The following JHY variants were observed in gnomAD, a reference collection of about 807,000 sequenced individuals.
JHY encodes junctional cadherin complex regulator, also known as jhy protein homolog.
Under a neutral mutation model 78.0 loss-of-function variants are expected in JHY, and 69 were observed. The ratio of observed to expected loss-of-function variants is 0.88; its 90% CI spans 0.73 to 1.08. JHY has a LOEUF of 1.08. JHY is among the 50% of genes least tolerant of loss of function. The pLI is 0.00. For synonymous variants in JHY, 368 were observed against 342.6 expected (o/e 1.07, Z -0.82); for missense variants, 944 against 927.8 (o/e 1.02, Z -0.23).
rs770225691 is a variant in JHY at position 122,934,838 on chromosome 11, T to A, written c.1397T>A (p.Val466Asp). 1.9e-6 allele frequency: 3 copies of A among 1,614,040 alleles called. No homozygotes were observed. The highest frequency in any genetic ancestry group is 2.5e-6 in the Non-Finnish European group (3 of 1,180,008). ...ACTGGATGTGACTCTGGGCTGAATG[T>A]TAATAAAGAAAGAGGACACAAAGAC... is the stretch of plus-strand genomic sequence containing the variant. ...NSTGCDSGLN[V>D]NKERGHKDQE... Residue 466 changes from valine to aspartate, a missense_variant, in exon 5 of 9, where the codon GTT becomes GAT. Val to Asp is a radical substitution (Grantham distance 152, BLOSUM62 -3). Transcript: ENST00000227349.
chr11:122,886,974 CA>C (rs911372087), intron 2 of JHY, among the ~76,000 whole-genome samples: 7 of 151,030 alleles, frequency 4.6e-5, no homozygotes, highest in African/African-American at 1.5e-4. Context: ...TATGAGCTAC[CA>C]AAAAAAAGTA....
In JHY at chr11:122,934,470, A is replaced by G; in HGVS notation, c.1029A>G (p.Val343=). The G allele has an allele frequency of 6.2e-7, 1 of 1,613,956 alleles. No individual in the cohort carries two copies. The highest frequency in any genetic ancestry group is 1.3e-5 in the African/African-American group (1 of 75,050). The change falls in exon 5 of 9, where the codon GTA becomes GTG. Residue 343 remains valine, a synonymous_variant. Coordinates refer to ENST00000227349, the MANE Select transcript of JHY (RefSeq NM_024806.4). ...ATGAAAGTACAAAATCAAGCAATGTACCAAGAGGGCAACCTTCTGACATGG... is the reference window on the plus strand; with the variant it reads ...ATGAAAGTACAAAATCAAGCAATGTGCCAAGAGGGCAACCTTCTGACATGG... ...SQYESTKSSN[V]PRGQPSDMVN... is the part of the protein sequence containing the mutation.
At position 122,961,068 on chromosome 11, in the gene JHY, C is replaced by T. The variant is rs968595597; in HGVS notation, c.*1623C>T. ...CCTAAAGCTGTTGGCAAAGAAGACT[C>T]ATGCACAGCCAGTTATGTAAATGTA... is the stretch of plus-strand genomic sequence containing the variant. On this transcript the variant is annotated 3_prime_UTR_variant, in exon 9 of 9. Transcript: ENST00000227349. 7 of 1,040,518 alleles carry T rather than the reference C, an allele frequency of 6.7e-6. No homozygotes were observed. The highest frequency in any genetic ancestry group is 3.5e-5 in the Admixed American group (2 of 57,340). The allele number at this position is 1,040,518 out of a possible 1,614,324, so 64.5% of individuals were successfully genotyped here. A position where few individuals can be genotyped will look rare whatever the true frequency, so the allele number is the denominator to read the frequency against.
At position 122,926,312 on chromosome 11, in the gene JHY, A is replaced by G. The variant is rs146244925; in HGVS notation, c.978+1302A>G. On this transcript the variant is annotated intron_variant, in intron 4 of 8. Coordinates refer to ENST00000227349, the MANE Select transcript of JHY (RefSeq NM_024806.4). ...CTTGGACCAGGCTTTATCCCTGCCTAAGAAGAGATGAGTCCTTTGAAAATT... is the reference window on the plus strand; with the variant it reads ...CTTGGACCAGGCTTTATCCCTGCCTGAGAAGAGATGAGTCCTTTGAAAATT... Among the ~76,000 whole-genome samples, 1,307 of 152,306 alleles carry G rather than the reference A, an allele frequency of 8.6e-3. 22 individuals carry two copies. Among genetic ancestry groups the G allele is most frequent in the African/African-American group, 0.03 (1,235 of 41,562 alleles).
intron 2 of JHY, among the ~76,000 whole-genome samples, chr11:122,897,516 G>T (rs1862763179): frequency 6.6e-6 from 1 of 152,210 alleles, no homozygotes; most frequent in African/African-American, 2.4e-5. Flanking sequence ...ACAAGCATGA[G>T]CTACCACACC....
At chr11:122,943,087 C>G (rs555579791) in intron 5 of JHY, among the ~76,000 whole-genome samples, 8 of 152,286 alleles carry the variant, frequency 5.3e-5, no homozygotes, top group African/African-American at 1.7e-4. Flanking sequence ...GTTGCTCAGG[C>G]TGGTCTTAAA....
chr11:122,946,478 C>A lies in JHY; in HGVS notation c.1635-20C>A. The A allele has an allele frequency of 6.5e-7, 1 of 1,546,240 alleles. No individual in the cohort carries two copies. Among genetic ancestry groups the A allele is most frequent in the South Asian group, 1.2e-5 (1 of 80,546 alleles). ...TTTGGATTTTATTAATAGATTTGTGCCTTTTTTTTTTTCATTAAGGAAATT... is the reference window on the plus strand; with the variant it reads ...TTTGGATTTTATTAATAGATTTGTGACTTTTTTTTTTTCATTAAGGAAATT... On this transcript the variant is annotated intron_variant, in intron 5 of 8. Transcript: ENST00000227349.
At chr11:122,941,869 A>T (rs1863880690) in intron 5 of JHY, among the ~76,000 whole-genome samples, 1 of 151,694 alleles carries the variant, frequency 6.6e-6, no homozygotes, top group Non-Finnish European at 1.5e-5. Flanking sequence ...GTTTTAGTTT[A>T]TTTATTTATT....
chr11:122,911,788 C>T (rs913154263), intron 3 of JHY, among the ~76,000 whole-genome samples: 1 of 151,170 alleles, frequency 6.6e-6, no homozygotes, highest in Non-Finnish European at 1.5e-5. Flanking sequence ...GACTGTCATC[C>T]CAGCTACTCA....
intron 2 of JHY, among the ~76,000 whole-genome samples, chr11:122,895,160 TTTACAC>T (rs1862713248): frequency 2.0e-5 from 3 of 152,204 alleles, no homozygotes; most frequent in African/African-American, 7.2e-5. Context: ...CATTAAAAAC[TTTACAC>T]TTAAACAAAA....
intron 2 of JHY, among the ~76,000 whole-genome samples, chr11:122,894,391 G>A (rs1349414661): frequency 6.6e-6 from 1 of 152,128 alleles, no homozygotes; most frequent in Non-Finnish European, 1.5e-5. Flanking sequence ...TAAAGAAAGT[G>A]TAAGCACCTG....
chr11:122,952,952 A>T (rs1377264703), intron 6 of JHY, among the ~76,000 whole-genome samples: 1 of 152,268 alleles, frequency 6.6e-6, no homozygotes, highest in Non-Finnish European at 1.5e-5. Flanking sequence ...GTCTGAGTTC[A>T]TTCACCTATT....
At chr11:122,907,643 G>A (rs1390991379) in intron 3 of JHY, among the ~76,000 whole-genome samples, 3 of 151,904 alleles carry the variant, frequency 2.0e-5, no homozygotes, top group Non-Finnish European at 4.4e-5. Context: ...TTGGGAGTTC[G>A]AGACCAGCCT....
intron 6 of JHY, among the ~76,000 whole-genome samples, chr11:122,953,029 AT>A (rs1241422118): frequency 6.6e-6 from 1 of 152,214 alleles, no homozygotes; most frequent in African/African-American, 2.4e-5. Flanking sequence ...AAAAAGAGCA[AT>A]CTTGTGGCTC....
chr11:122,924,767 A>G (rs1012947521), intron 3 of JHY, 130 bp from the exon 4 acceptor site: 3 of 658,646 alleles, frequency 4.6e-6, no homozygotes, highest in African/African-American at 3.6e-5. Context: ...GATGAGATGA[A>G]TCCTTGAAAT....
chr11:122,926,527 C>A (rs1276768964), intron 4 of JHY, among the ~76,000 whole-genome samples: 1 of 152,202 alleles, frequency 6.6e-6, no homozygotes, highest in African/African-American at 2.4e-5. Flanking sequence ...AAAAGTCATT[C>A]ACCCAGAGCT....
rs140051009 is a variant in JHY at position 122,956,564 on chromosome 11, C to T, written c.1998C>T (p.Ser666=). Residue 666 remains serine, a synonymous_variant, in exon 7 of 9, where the codon TCC becomes TCT. Transcript: ENST00000227349. ...KLGGLGPDFE[S]IRDKTQKLIQ... ...GAGGCCTCGGACCTGACTTTGAGTC[C>T]ATCAGAGACAAAGTGAGTGAGATGC... 4 of 1,612,896 alleles carry T rather than the reference C, an allele frequency of 2.5e-6. No homozygotes were observed. Among genetic ancestry groups the T allele is most frequent in the African/African-American group, 1.3e-5 (1 of 74,834 alleles).
At chr11:122,959,199 T>G (rs915432997) in intron 8 of JHY, 49 bp from the exon 9 acceptor site, 21 of 1,560,550 alleles carry the variant, frequency 1.3e-5, no homozygotes, top group Non-Finnish European at 1.7e-5. Context: ...ATTTAAGGAA[T>G]CCAGGCTCAC....
intron 5 of JHY, among the ~76,000 whole-genome samples, chr11:122,941,205 G>A (rs982007601): frequency 6.6e-6 from 1 of 152,180 alleles, no homozygotes; most frequent in Non-Finnish European, 1.5e-5. Flanking sequence ...CTACTGAAAT[G>A]TTATTGCTTC....
Sources: gnomAD v4.1 joint callset for allele counts (sites outside exome capture counted in the v4.1 genomes callset) on GRCh38, gnomAD v4.1.1 for gene constraint, MANE v1.5 for transcripts, NCBI Gene and HGNC (gene_info 2026-07-23, HGNC 2026-07-21) for gene names.